ATRNL1: variants seen among roughly 807,000 people sequenced by gnomAD.
ATRNL1 encodes the protein attractin-like protein 1.
A neutral mutation model predicts 182.7 loss-of-function variants in ATRNL1; 95 were observed. The ratio of observed to expected loss-of-function variants is 0.52; its 90% CI spans 0.44 to 0.62. ATRNL1 has a LOEUF of 0.62. Among genes scored for constraint, ATRNL1 ranks in the 20% least tolerant of loss-of-function variants. The pLI is 0.00. For missense variants in ATRNL1, 1,471 were observed against 1,679.5 expected (o/e 0.88, Z 2.17); for synonymous variants, 576 against 568.3 (o/e 1.01, Z -0.19).
At chr10:115,895,767 A>G (rs1321466918) in intron 28 of ATRNL1, among the ~76,000 whole-genome samples, 2 of 152,206 alleles carry the variant, frequency 1.3e-5, no homozygotes, top group Admixed American at 1.3e-4. Context: ...AAGAGGGAAC[A>G]CCTAATTGTA....
intron 26 of ATRNL1, among the ~76,000 whole-genome samples, chr10:115,602,923 A>T (rs1434386578): frequency 1.3e-5 from 2 of 152,126 alleles, no homozygotes; most frequent in Non-Finnish European, 2.9e-5. Context: ...AATGACTCAC[A>T]TAACTCAGGG....
chr10:115,352,561 G>A (rs1554941728), intron 19 of ATRNL1, among the ~76,000 whole-genome samples: 1 of 151,920 alleles, frequency 6.6e-6, no homozygotes. Flanking sequence ...GCAGCGTATT[G>A]TTTCATTTCC....
intron 26 of ATRNL1, among the ~76,000 whole-genome samples, chr10:115,635,764 A>G (rs1592984634): frequency 6.6e-6 from 1 of 152,282 alleles, no homozygotes; most frequent in East Asian, 1.9e-4. Context: ...TTTAAAAACA[A>G]AAGATAGTAA....
chr10:115,865,616 A>G (rs1311018416), intron 28 of ATRNL1, among the ~76,000 whole-genome samples: 1 of 152,172 alleles, frequency 6.6e-6, no homozygotes, highest in Non-Finnish European at 1.5e-5. Context: ...TTATAGAAAA[A>G]TACCCCTATC....
intron 20 of ATRNL1, among the ~76,000 whole-genome samples, chr10:115,422,985 T>C (rs1351300097): frequency 6.6e-6 from 1 of 152,166 alleles, no homozygotes; most frequent in Non-Finnish European, 1.5e-5. Flanking sequence ...AATTTACCTA[T>C]GTAACAAACC....
chr10:115,802,655 G>A (rs1422411629), intron 27 of ATRNL1, among the ~76,000 whole-genome samples: 1 of 152,066 alleles, frequency 6.6e-6, no homozygotes, highest in Non-Finnish European at 1.5e-5. Context: ...CATAATAACA[G>A]TATAAAATGA....
intron 22 of ATRNL1, among the ~76,000 whole-genome samples, chr10:115,462,417 T>G (rs782062455): frequency 4.6e-5 from 7 of 151,902 alleles, no homozygotes; most frequent in Non-Finnish European, 1.0e-4. Context: ...ATCGAGACCA[T>G]CCTGGCCAAT....
At chr10:115,137,143 G>A (rs1845550344) in intron 5 of ATRNL1, among the ~76,000 whole-genome samples, 1 of 152,128 alleles carries the variant, frequency 6.6e-6, no homozygotes, top group African/African-American at 2.4e-5. Flanking sequence ...TGTGAGCCAA[G>A]ATCGCACCAT....
At chr10:115,430,741 G>A (rs1395010102) in intron 21 of ATRNL1, among the ~76,000 whole-genome samples, 1 of 151,260 alleles carries the variant, frequency 6.6e-6, no homozygotes, top group Non-Finnish European at 1.5e-5. Flanking sequence ...TTTTGTTAAG[G>A]TATTTTTGCC....
intron 27 of ATRNL1, among the ~76,000 whole-genome samples, chr10:115,790,022 C>A (rs1565380933): frequency 6.6e-6 from 1 of 152,022 alleles, no homozygotes; most frequent in Non-Finnish European, 1.5e-5. Context: ...TAGTATAAAA[C>A]AGTTTTGTTA....
At chr10:115,562,449 C>G (rs923322234) in intron 26 of ATRNL1, among the ~76,000 whole-genome samples, 15 of 152,126 alleles carry the variant, frequency 9.9e-5, no homozygotes, top group African/African-American at 3.4e-4. Context: ...ATCTTATGCT[C>G]TAAATGGGTG....
chr10:115,412,140 C>T (rs995952236), intron 20 of ATRNL1, among the ~76,000 whole-genome samples: 3 of 152,134 alleles, frequency 2.0e-5, no homozygotes, highest in African/African-American at 4.8e-5. Flanking sequence ...TCCTAGAAAA[C>T]TTGCTCTAGT....
At chr10:115,393,477 A>C (rs1844132995) in intron 19 of ATRNL1, among the ~76,000 whole-genome samples, 1 of 152,156 alleles carries the variant, frequency 6.6e-6, no homozygotes, top group South Asian at 2.1e-4. Context: ...ATGGCTCTAC[A>C]ATTCAGGAAA....
intron 1 of ATRNL1, among the ~76,000 whole-genome samples, chr10:115,095,360 C>CTTT (rs367762933): frequency 1.1e-4 from 16 of 141,332 alleles, no homozygotes; most frequent in African/African-American, 3.7e-4. Context: ...GCATACTTTC[C>CTTT]TTTTTTTTTT....
chr10:115,736,827 G>A lies in ATRNL1; in HGVS notation c.3903+9472G>A, dbSNP rs188294690. ...CTGTCGCCCAGGCTGGAGTGCAGTG[G>A]CATGATCTCAGCTCACTACAACCTC... is the stretch of plus-strand genomic sequence containing the variant. On this transcript the variant is annotated intron_variant, in intron 27 of 28. Coordinates refer to ENST00000355044, the MANE Select transcript of ATRNL1 (RefSeq NM_207303.4). Among the ~76,000 whole-genome samples, 57 of 152,176 alleles carry A rather than the reference G, an allele frequency of 3.7e-4. 1 individual carries two copies. The highest frequency in any genetic ancestry group is 1.3e-3 in the African/African-American group (54 of 41,528).
chr10:115,223,674 C>T (rs1176073937), intron 9 of ATRNL1, among the ~76,000 whole-genome samples: 1 of 151,632 alleles, frequency 6.6e-6, no homozygotes, highest in Admixed American at 6.6e-5. Flanking sequence ...GAAGCATATA[C>T]ATGGTTTCCA....
At chr10:115,361,791 G>A (rs1182250635) in intron 19 of ATRNL1, among the ~76,000 whole-genome samples, 2 of 151,940 alleles carry the variant, frequency 1.3e-5, no homozygotes, top group East Asian at 1.9e-4. Context: ...GGCCCTTTGA[G>A]TCTCCAATTT....
intron 28 of ATRNL1, among the ~76,000 whole-genome samples, chr10:115,855,347 C>A (rs1431932476): frequency 6.6e-6 from 1 of 152,172 alleles, no homozygotes; most frequent in Non-Finnish European, 1.5e-5. Context: ...CCTTTTCAGT[C>A]CCTTCCATAC....
intron 27 of ATRNL1, among the ~76,000 whole-genome samples, chr10:115,823,181 T>C (rs1331847663): frequency 6.6e-6 from 1 of 152,170 alleles, no homozygotes; most frequent in Non-Finnish European, 1.5e-5. Flanking sequence ...AAAAACCACA[T>C]GATTATCTCA....
Sources: allele counts gnomAD v4.1 joint callset (sites outside exome capture counted in the v4.1 genomes callset), GRCh38; gene constraint gnomAD v4.1.1; transcripts MANE v1.5; gene names NCBI Gene and HGNC (gene_info 2026-07-23, HGNC 2026-07-21).